MEGF11: variants seen among roughly 807,000 people sequenced by gnomAD.
MEGF11 encodes multiple EGF like domains 11.
In MEGF11, 126 loss-of-function variants were observed where a neutral mutation model predicts 146.6. The ratio of observed to expected loss-of-function variants is 0.86; its 90% CI spans 0.74 to 1.00. The LOEUF is 1.00. Ranked by LOEUF, MEGF11 falls within the 50% of genes least tolerant of loss-of-function variation. The pLI is 0.00. For synonymous variants in MEGF11, 532 were observed against 583.4 expected (o/e 0.91, Z 1.27); for missense variants, 1,509 against 1,521.2 (o/e 0.99, Z 0.13).
chr15:66,153,375 C>T (rs572593625), intron 1 of MEGF11, among the ~76,000 whole-genome samples: 35 of 152,272 alleles, frequency 2.3e-4, no homozygotes, highest in African/African-American at 8.4e-4. Context: ...GAGATCAAGA[C>T]CATCCTGGCC....
At chr15:66,108,205 G>A (rs1160932137) in intron 4 of MEGF11, among the ~76,000 whole-genome samples, 1 of 152,234 alleles carries the variant, frequency 6.6e-6, no homozygotes, top group Non-Finnish European at 1.5e-5. Flanking sequence ...CGAGTGTCAT[G>A]TGAAGGACCC....
intron 1 of MEGF11, among the ~76,000 whole-genome samples, chr15:66,143,829 C>T (rs2089265109): frequency 6.6e-6 from 1 of 152,180 alleles, no homozygotes; most frequent in African/African-American, 2.4e-5. Context: ...CACCCTCATT[C>T]ACCGTGTCCT....
intron 5 of MEGF11, among the ~76,000 whole-genome samples, chr15:66,091,583 C>G (rs2086325079): frequency 6.6e-6 from 1 of 152,196 alleles, no homozygotes; most frequent in Non-Finnish European, 1.5e-5. Flanking sequence ...GTTCTTTAAC[C>G]TCTCTCTGCT....
chr15:65,940,386 C>G (rs1460427558), intron 10 of MEGF11, among the ~76,000 whole-genome samples: 1 of 152,250 alleles, frequency 6.6e-6, no homozygotes, highest in African/African-American at 2.4e-5. Context: ...CCTGCCCACC[C>G]TTGTCAGTCA....
At chr15:65,915,722 T>C in intron 18 of MEGF11, 124 bp from the exon 19 acceptor site, 1 of 1,264,956 alleles carries the variant, frequency 7.9e-7, no homozygotes, top group Non-Finnish European at 1.1e-6. Flanking sequence ...TTCCCTTAGC[T>C]CCTGTTGAGG....
At chr15:66,063,878 G>A (rs1296995023) in intron 5 of MEGF11, among the ~76,000 whole-genome samples, 1 of 152,220 alleles carries the variant, frequency 6.6e-6, no homozygotes, top group African/African-American at 2.4e-5. Flanking sequence ...AGTGAAGCTT[G>A]TGATTGGGTA....
intron 13 of MEGF11, among the ~76,000 whole-genome samples, chr15:65,927,573 G>GT (rs1223153709): frequency 2.0e-5 from 3 of 152,216 alleles, no homozygotes; most frequent in African/African-American, 7.2e-5. Context: ...TCAGGTTGGG[G>GT]TGGGTATTGT....
chr15:66,034,503 T>C (rs1297047646), intron 5 of MEGF11, among the ~76,000 whole-genome samples: 6 of 151,876 alleles, frequency 4.0e-5, no homozygotes, highest in Non-Finnish European at 8.8e-5. Flanking sequence ...CAGTGCAAAC[T>C]CCATCTCCCA....
intron 7 of MEGF11, among the ~76,000 whole-genome samples, chr15:65,976,040 CTTTTTTT>C (rs57047424): frequency 3.9e-5 from 4 of 102,088 alleles, no homozygotes; most frequent in African/African-American, 1.4e-4. Flanking sequence ...TTCAACATTC[CTTTTTTT>C]TTTTTTTTTT....
rs139781765 is a variant in MEGF11 at position 66,219,894 on chromosome 15, A to C, written c.-9+33711T>G. 5.3e-3 allele frequency among the ~76,000 whole-genome samples: 806 copies of C among 152,334 alleles called. 9 individuals are homozygous for C. The highest frequency in any genetic ancestry group is 0.019 in the African/African-American group (771 of 41,576). The stretch of plus-strand genomic sequence containing the variant: ...TGAATGGTTAAACAAGCTGTGGTAC[A>C]TCCATACCGTATATATTAAGTTGAA... On this transcript the variant is annotated intron_variant, in intron 1 of 25. Coordinates refer to ENST00000395614, the MANE Select transcript of MEGF11 (RefSeq NM_001385028.1).
chr15:66,210,383 C>T (rs2091413860), intron 1 of MEGF11, among the ~76,000 whole-genome samples: 1 of 152,158 alleles, frequency 6.6e-6, no homozygotes, highest in Admixed American at 6.5e-5. Flanking sequence ...AAGTGCCCTG[C>T]CTGTCTCACT....
chr15:66,065,030 T>G (rs992160852), intron 5 of MEGF11, among the ~76,000 whole-genome samples: 1 of 152,126 alleles, frequency 6.6e-6, no homozygotes, highest in Non-Finnish European at 1.5e-5. Flanking sequence ...CAATAAGCCC[T>G]GATTCACTGG....
At chr15:66,169,654 G>C (rs762251127) in intron 1 of MEGF11, among the ~76,000 whole-genome samples, 1 of 152,220 alleles carries the variant, frequency 6.6e-6, no homozygotes, top group South Asian at 2.1e-4. Context: ...CCACGTCCTT[G>C]GTTCCTTATC....
intron 5 of MEGF11, among the ~76,000 whole-genome samples, chr15:66,025,955 A>G (rs2083315422): frequency 6.6e-6 from 1 of 152,196 alleles, no homozygotes; most frequent in African/African-American, 2.4e-5. Flanking sequence ...CAGTCAGGAG[A>G]GAAAGGCCTG....
At chr15:66,137,475 G>C (rs746428948) in intron 1 of MEGF11, among the ~76,000 whole-genome samples, 7 of 152,140 alleles carry the variant, frequency 4.6e-5, no homozygotes, top group Non-Finnish European at 7.4e-5. Context: ...CAACAGTGAG[G>C]GAGGAAGGAC....
rs566665606 is a variant in MEGF11, at chr15:66,127,605, C to G, written c.98+701G>C. ...GCAGAGTCATCCTGGTCAGCATGGC[C>G]AATCAATTCCGGGGTTTAATTCGGT... On this transcript the variant is annotated intron_variant, in intron 2 of 25. Transcript: ENST00000395614. Among the ~76,000 whole-genome samples, 6 of 152,312 alleles carry G rather than the reference C, an allele frequency of 3.9e-5. No individual in the cohort carries two copies. The South Asian group carries it at 1.2e-3, about 32-fold the overall frequency.
chr15:66,178,693 G>GC (rs1199970977), intron 1 of MEGF11, among the ~76,000 whole-genome samples: 1 of 152,150 alleles, frequency 6.6e-6, no homozygotes, highest in Non-Finnish European at 1.5e-5. Context: ...AAATGTTTCA[G>GC]CCCCAGGTAT....
chr15:66,083,751 G>A (rs1029049227), intron 5 of MEGF11, among the ~76,000 whole-genome samples: 1 of 151,916 alleles, frequency 6.6e-6, no homozygotes, highest in South Asian at 2.1e-4. Flanking sequence ...CTGTATTTAC[G>A]AAAAAAATTT....
At chr15:66,094,689 G>A (rs2086465367) in intron 4 of MEGF11, among the ~76,000 whole-genome samples, 195 bp from the exon 5 acceptor site, 1 of 152,168 alleles carries the variant, frequency 6.6e-6, no homozygotes, top group Non-Finnish European at 1.5e-5. Flanking sequence ...GATCCTACAA[G>A]AGTACATTTC....
Sources: gnomAD v4.1 joint callset for allele counts (sites outside exome capture counted in the v4.1 genomes callset) on GRCh38, gnomAD v4.1.1 for gene constraint, MANE v1.5 for transcripts, NCBI Gene and HGNC (gene_info 2026-07-23, HGNC 2026-07-21) for gene names.